The following STXBP5L variants were observed in gnomAD, a reference collection of about 807,000 sequenced individuals.
STXBP5L encodes the protein syntaxin binding protein 5L.
In STXBP5L, 65 loss-of-function variants were observed where a neutral mutation model predicts 144.5. The observed-to-expected ratio is 0.45, with a 90% CI of 0.37 to 0.55. STXBP5L has a LOEUF of 0.55. Among genes scored for constraint, STXBP5L ranks in the 20% least tolerant of loss-of-function variants. The probability of loss-of-function intolerance (pLI) is 0.00; values close to 1 mark genes in which losing one functional copy is unlikely to be tolerated. For missense variants in STXBP5L, 1,298 were observed against 1,405.5 expected (o/e 0.92, Z 1.22); for synonymous variants, 505 against 469.6 (o/e 1.08, Z -0.97).
chr3:121,166,579 A>G (rs1482531219), intron 9 of STXBP5L, among the ~76,000 whole-genome samples: 1 of 152,098 alleles, frequency 6.6e-6, no homozygotes, highest in African/African-American at 2.4e-5. Context: ...TTACATACAC[A>G]TGTCTTCTAT....
intron 20 of STXBP5L, among the ~76,000 whole-genome samples, chr3:121,320,526 T>A (rs745790425): frequency 3.3e-5 from 5 of 152,066 alleles, no homozygotes; most frequent in Non-Finnish European, 7.4e-5. Context: ...ATAAGTAGAC[T>A]TTTTTTCTTG....
intron 7 of STXBP5L, among the ~76,000 whole-genome samples, chr3:121,139,636 G>A (rs1039953180): frequency 6.6e-6 from 1 of 151,938 alleles, no homozygotes; most frequent in African/African-American, 2.4e-5. Flanking sequence ...GAATCAAAAT[G>A]GTAATTCAAA....
Position 121,239,069 on chromosome 3 carries a change from T to C in STXBP5L, c.1283T>C (p.Val428Ala), listed in dbSNP as rs1559894890. ...FADCPPDLIL[V>A]LYSIGVKHKK... ...GATTGTCCTCCGGATTTGATTCTAG[T>C]ACTGTATTCTATAGGAGTCAAGCAT... The change falls in exon 13 of 27, where the codon GTA becomes GCA. Residue 428 changes from valine to alanine, a missense_variant. Coordinates refer to ENST00000471454, the MANE Select transcript of STXBP5L (RefSeq NM_001308330.2). The C allele has an allele frequency of 6.2e-7, 1 of 1,608,986 alleles. No individual in the cohort carries two copies. The highest frequency in any genetic ancestry group is 2.3e-5 in the East Asian group (1 of 44,406).
chr3:120,992,337 TA>T (rs1693570525), intron 3 of STXBP5L, among the ~76,000 whole-genome samples: 1 of 152,112 alleles, frequency 6.6e-6, no homozygotes, highest in Non-Finnish European at 1.5e-5. Flanking sequence ...TTTTGAAATA[TA>T]AAACAACATT....
At chr3:121,133,534 C>G (rs2045097513) in intron 7 of STXBP5L, among the ~76,000 whole-genome samples, 1 of 152,088 alleles carries the variant, frequency 6.6e-6, no homozygotes, top group African/African-American at 2.4e-5. Context: ...TTCAACGAAA[C>G]TGTCCTTCAA....
At chr3:120,908,381 C>G (rs1199497057) in intron 1 of STXBP5L, 47 bp downstream of exon 1, 2 of 156,110 alleles carry the variant, frequency 1.3e-5, no homozygotes, top group Non-Finnish European at 2.8e-5. Context: ...GACGCCGCCG[C>G]CGCTGCCGCC....
chr3:121,068,726 A>G (rs1474151375), intron 5 of STXBP5L, among the ~76,000 whole-genome samples: 1 of 151,984 alleles, frequency 6.6e-6, no homozygotes. Flanking sequence ...AATATTGTTT[A>G]TATTCATATA....
At chr3:121,399,753 AC>A (rs2046825048) in intron 22 of STXBP5L, among the ~76,000 whole-genome samples, 1 of 152,114 alleles carries the variant, frequency 6.6e-6, no homozygotes. Flanking sequence ...ATTCTGGTAA[AC>A]CCACAACCTT....
chr3:121,000,545 A>T (rs1943688086), intron 3 of STXBP5L, among the ~76,000 whole-genome samples: 1 of 152,124 alleles, frequency 6.6e-6, no homozygotes, highest in Admixed American at 6.6e-5. Flanking sequence ...TTTTGTATTG[A>T]ATTTCAACTT....
intron 3 of STXBP5L, among the ~76,000 whole-genome samples, chr3:121,039,544 C>A (rs1046108906): frequency 6.6e-6 from 1 of 150,786 alleles, no homozygotes; most frequent in Non-Finnish European, 1.5e-5. Context: ...TTCTTTTTTC[C>A]TTTTTGTATA....
chr3:121,286,319 G>A (rs1371038471), intron 19 of STXBP5L, among the ~76,000 whole-genome samples: 1 of 152,000 alleles, frequency 6.6e-6, no homozygotes, highest in Non-Finnish European at 1.5e-5. Flanking sequence ...CAGAAAGTCA[G>A]GAATGGAGAA....
intron 9 of STXBP5L, among the ~76,000 whole-genome samples, chr3:121,204,981 A>G (rs1202387922): frequency 6.6e-6 from 1 of 152,176 alleles, no homozygotes; most frequent in South Asian, 2.1e-4. Context: ...ATTTTTAAAA[A>G]TCATGAAATG....
At chr3:121,143,565 G>T (rs2045595886) in intron 7 of STXBP5L, among the ~76,000 whole-genome samples, 1 of 151,708 alleles carries the variant, frequency 6.6e-6, no homozygotes, top group Non-Finnish European at 1.5e-5. Context: ...AAATTACAAG[G>T]CTACAATAAT....
chr3:121,343,888 G>GA (rs2044836562), intron 20 of STXBP5L, among the ~76,000 whole-genome samples: 2 of 152,004 alleles, frequency 1.3e-5, no homozygotes, highest in African/African-American at 4.8e-5. Flanking sequence ...CACAAAATTG[G>GA]AAAAAACTAC....
intron 14 of STXBP5L, among the ~76,000 whole-genome samples, chr3:121,241,204 A>G (rs1230566894): frequency 1.3e-5 from 2 of 152,140 alleles, no homozygotes; most frequent in African/African-American, 2.4e-5. Flanking sequence ...CATATATCCC[A>G]GAATTAGAGC....
intron 3 of STXBP5L, among the ~76,000 whole-genome samples, chr3:121,041,215 T>G (rs1947129397): frequency 6.6e-6 from 1 of 152,000 alleles, no homozygotes; most frequent in Admixed American, 6.6e-5. Context: ...TTTTATACTT[T>G]TATTTAGTCA....
intron 9 of STXBP5L, among the ~76,000 whole-genome samples, chr3:121,171,906 C>T (rs143296996): frequency 0.036 from 5,431 of 152,130 alleles, 156 homozygotes; most frequent in African/African-American, 0.08. Flanking sequence ...CAATCCTAAG[C>T]GAAAAGAACA....
chr3:120,932,254 C>G (rs964652017), intron 2 of STXBP5L, among the ~76,000 whole-genome samples: 1 of 152,102 alleles, frequency 6.6e-6, no homozygotes, highest in Non-Finnish European at 1.5e-5. Context: ...AAATAGTGTT[C>G]TTGGAAACAA....
intron 11 of STXBP5L, among the ~76,000 whole-genome samples, chr3:121,223,575 T>G (rs73191438): frequency 0.036 from 5,407 of 152,278 alleles, 147 homozygotes; most frequent in Middle Eastern, 0.082. Context: ...TGCATCTGTT[T>G]CACATCTGGC....
Sources: allele counts gnomAD v4.1 joint callset (sites outside exome capture counted in the v4.1 genomes callset), GRCh38; gene constraint gnomAD v4.1.1; transcripts MANE v1.5; gene names NCBI Gene and HGNC (gene_info 2026-07-23, HGNC 2026-07-21).